Variants in CC2D2A observed in about 807,000 individuals in gnomAD.
The protein encoded by CC2D2A is coiled-coil and C2 domain containing 2A.
CC2D2A carries 155 observed loss-of-function variants against 212.9 expected under a neutral mutation model. That is an observed-to-expected ratio of 0.73 (90% confidence interval 0.64 to 0.83). The LOEUF is 0.83. CC2D2A is among the 40% of genes least tolerant of loss of function. The probability of loss-of-function intolerance (pLI) is 0.00; values close to 1 mark genes in which losing one functional copy is unlikely to be tolerated. For missense variants in CC2D2A, 1,856 were observed against 1,956.2 expected (o/e 0.95, Z 0.97); for synonymous variants, 667 against 686.5 (o/e 0.97, Z 0.44).
Position 15,544,590 on chromosome 4 carries a change from C to A in CC2D2A, c.2181+3576C>A, listed in dbSNP as rs116240804. 6.9e-3 allele frequency among the ~76,000 whole-genome samples: 1,052 copies of A among 152,286 alleles called. 10 individuals are homozygous for A. Among genetic ancestry groups the A allele is most frequent in the African/African-American group, 0.024 (1,004 of 41,548 alleles). On this transcript the variant is annotated intron_variant, in intron 17 of 36. Coordinates refer to ENST00000424120, the MANE Select transcript of CC2D2A (RefSeq NM_001378615.1). ...CCCTCCTGCAGGTGCCCAGCCATGC[C>A]TCCACTGATGGGTGAGAGCTCAGAC... is the stretch of plus-strand genomic sequence containing the variant.
At chr4:15,477,069 G>A (rs1023637955) in intron 2 of CC2D2A, among the ~76,000 whole-genome samples, 1 of 152,150 alleles carries the variant, frequency 6.6e-6, no homozygotes, top group Non-Finnish European at 1.5e-5. Context: ...TTGGGAGGCC[G>A]AGGCAGGTGG....
chr4:15,579,972 A>G lies in CC2D2A; in HGVS notation c.3776A>G (p.Glu1259Gly). 6.2e-7 allele frequency: 1 copy of G among 1,611,882 alleles called. No homozygotes were observed. Among genetic ancestry groups the G allele is most frequent in the Non-Finnish European group, 8.5e-7 (1 of 1,178,812 alleles). Residue 1259 changes from glutamate (E) to glycine (G), a missense_variant, in exon 30 of 37, where the codon GAG becomes GGG. By Grantham distance (98) the Glu-to-Gly change is moderately conservative. This residue lies in a region of CC2D2A where 1,512 missense variants were observed against 1,579.3 expected (regional missense o/e 0.96). Coordinates refer to ENST00000424120, the MANE Select transcript of CC2D2A (RefSeq NM_001378615.1). ...ATGAAGTCTTTCTTTTTGAAGTTTG[A>G]GTCTCAGGAAGATGAGAAATTACTT... Reference protein sequence around the residue: ...VPGESIREKFESQEDEKLLQA... With the variant: ...VPGESIREKFGSQEDEKLLQA...
intron 4 of CC2D2A, among the ~76,000 whole-genome samples, chr4:15,495,830 A>T (rs1195239188): frequency 6.6e-6 from 1 of 152,192 alleles, no homozygotes; most frequent in Non-Finnish European, 1.5e-5. Context: ...CAGTGGCGGA[A>T]CTAATTTGCA....
At position 15,540,925 on chromosome 4, in the gene CC2D2A, A is replaced by G; in HGVS notation, c.2092A>G (p.Ser698Gly). ...CAACAAGGAGGTGTCCAGGACAGTC[A>G]GTCGGCCACTAGGAGCAGACTTCCG... is the stretch of plus-strand genomic sequence containing the variant. ...FNNKEVSRTV[S>G]RPLGADFRVH... The change falls in exon 17 of 37, where the codon AGT (serine) becomes GGT (glycine). Residue 698 changes from serine (S) to glycine (G), a missense_variant. This residue lies in a region of CC2D2A where 1,512 missense variants were observed against 1,579.3 expected (regional missense o/e 0.96). Coordinates refer to ENST00000424120, the MANE Select transcript of CC2D2A (RefSeq NM_001378615.1). The G allele has an allele frequency of 6.3e-7, 1 of 1,576,136 alleles. No individual in the cohort carries two copies.
rs147875313 is a variant in CC2D2A at position 15,499,267 on chromosome 4, G to A, written c.248-3162G>A. On this transcript the variant is annotated intron_variant, in intron 4 of 36. Coordinates refer to ENST00000424120, the MANE Select transcript of CC2D2A (RefSeq NM_001378615.1). ...CCCCCAAGCAAACTATGGGTTTTGG[G>A]TGATTGATGCGTCAATGAAGGTTCA... Among the ~76,000 whole-genome samples, 13 of 152,270 alleles carry A rather than the reference G, an allele frequency of 8.5e-5. No homozygotes were observed. In the East Asian group the frequency reaches 2.5e-3, roughly 29 times the overall value.
At chr4:15,579,913 C>T (rs983519887) in intron 29 of CC2D2A, 55 bp from the exon 30 acceptor site, 31 of 1,402,540 alleles carry the variant, frequency 2.2e-5, no homozygotes, top group Admixed American at 1.2e-4. Flanking sequence ...AATCTGAACA[C>T]GTACTTTCTC....
At chr4:15,489,854 C>T (rs1715202113) in intron 4 of CC2D2A, among the ~76,000 whole-genome samples, 1 of 152,220 alleles carries the variant, frequency 6.6e-6, no homozygotes, top group Non-Finnish European at 1.5e-5. Context: ...CAGGACTCCA[C>T]TTGCCTGGTT....
At chr4:15,570,525 G>C (rs768581478) in intron 28 of CC2D2A, 29 bp downstream of exon 28, 16 of 1,445,304 alleles carry the variant, frequency 1.1e-5, no homozygotes, top group Middle Eastern at 1.7e-4. Flanking sequence ...AGGTCCATGA[G>C]AGCAGGGAAT....
At position 15,569,378 on chromosome 4, in the gene CC2D2A, G is replaced by A; in HGVS notation, c.3484G>A (p.Asp1162Asn). 6.4e-7 allele frequency: 1 copy of A among 1,558,916 alleles called. No individual in the cohort carries two copies. The highest frequency in any genetic ancestry group is 2.3e-5 in the East Asian group (1 of 43,114). Reference protein sequence around the residue: ...FINIFDEVLHDVLEDDRERGS... With the variant: ...FINIFDEVLHNVLEDDRERGS... ...TAACATTTTTGATGAAGTACTGCAT[G>A]ATGTCTTAGAGGTAAGTTCTCAGTT... Residue 1162 changes from aspartate (D) to asparagine (N), a missense_variant, in exon 27 of 37, where the codon GAT becomes AAT. Physicochemically the swap from Asp to Asn is conservative, Grantham distance 23. Around this residue, in one of 5 missense-constraint regions of CC2D2A, gnomAD observed 1,512 missense variants for 1,579.3 expected, o/e 0.96. Coordinates refer to ENST00000424120, the MANE Select transcript of CC2D2A (RefSeq NM_001378615.1).
chr4:15,517,088 C>T lies in CC2D2A; in HGVS notation c.1149+332C>T, dbSNP rs1307999960. Among the ~76,000 whole-genome samples the T allele has an allele frequency of 2.6e-5, 4 of 151,698 alleles. No homozygotes were observed. In the East Asian group the frequency reaches 7.8e-4, roughly 30 times the overall value. The stretch of plus-strand genomic sequence containing the variant: ...TCAGCCTTTTGAGTAGCTGGGACTA[C>T]AGGTGCCCGCCACCTCGCCCGGCTA... On this transcript the variant is annotated intron_variant, in intron 11 of 36. Coordinates refer to ENST00000424120, the MANE Select transcript of CC2D2A (RefSeq NM_001378615.1).
At chr4:15,567,315 C>T (rs1449290740) in intron 24 of CC2D2A, 62 bp from the exon 25 acceptor site, 4 of 1,232,296 alleles carry the variant, frequency 3.2e-6, no homozygotes, top group Admixed American at 3.8e-5. Flanking sequence ...AAATAATTGT[C>T]TTCTCAATAT....
chr4:15,601,156 T>C lies in CC2D2A; in HGVS notation c.4675-81T>C, dbSNP rs1577407871. ...ATAACTGAGATCCAGAACACTTATC[T>C]TAATTGCATACATTTACGTAGGAAA... is the stretch of plus-strand genomic sequence containing the variant. On this transcript the variant is annotated intron_variant, in intron 36 of 36. Coordinates refer to ENST00000424120, the MANE Select transcript of CC2D2A (RefSeq NM_001378615.1). The C allele has an allele frequency of 1.1e-5, 9 of 830,576 alleles. No individual in the cohort carries two copies. In the South Asian group the frequency reaches 1.3e-4, roughly 12 times the overall value. The allele number at this position is 830,576 out of a possible 1,614,324, so 51.5% of individuals were successfully genotyped here.
At chr4:15,499,079 A>G (rs1295488882) in intron 4 of CC2D2A, among the ~76,000 whole-genome samples, 1 of 152,200 alleles carries the variant, frequency 6.6e-6, no homozygotes, top group African/African-American at 2.4e-5. Context: ...AAATCAGTAA[A>G]AAGATCAGTG....
chr4:15,520,884 C>T (rs1717164173), intron 11 of CC2D2A, among the ~76,000 whole-genome samples: 1 of 152,152 alleles, frequency 6.6e-6, no homozygotes, highest in African/African-American at 2.4e-5. Context: ...GGAACTTGGG[C>T]TCCAGCTGAC....
At chr4:15,539,901 A>C (rs779020760) in intron 16 of CC2D2A, among the ~76,000 whole-genome samples, 4 of 152,168 alleles carry the variant, frequency 2.6e-5, no homozygotes, top group Non-Finnish European at 5.9e-5. Flanking sequence ...AATAAGTCTA[A>C]ATTATAGACA....
chr4:15,489,341 G>T (rs1268674980), intron 4 of CC2D2A, among the ~76,000 whole-genome samples: 3 of 152,122 alleles, frequency 2.0e-5, no homozygotes, highest in African/African-American at 7.2e-5. Context: ...GGCCTTGGGG[G>T]TTACCTTAGT....
chr4:15,524,369 G>A (rs2109021115), intron 11 of CC2D2A, among the ~76,000 whole-genome samples: 1 of 151,774 alleles, frequency 6.6e-6, no homozygotes, highest in East Asian at 1.9e-4. Flanking sequence ...CTGACCTCGT[G>A]ATCCACCCGC....
chr4:15,516,813 T>G, intron 11 of CC2D2A, 57 bp downstream of exon 11: 1 of 1,555,444 alleles, frequency 6.4e-7, no homozygotes, highest in Non-Finnish European at 8.7e-7. Context: ...CTTTGCTTTC[T>G]GAATAGCTTG....
chr4:15,563,558 C>A (rs774374203), intron 24 of CC2D2A, 36 bp downstream of exon 24: 40 of 1,595,896 alleles, frequency 2.5e-5, no homozygotes, highest in Non-Finnish European at 3.1e-5. Context: ...ATGCAGTGTG[C>A]AGCATCCCAG....
Sources: gnomAD v4.1 joint callset for allele counts (sites outside exome capture counted in the v4.1 genomes callset) on GRCh38, gnomAD v4.1.1 for gene constraint, gnomAD v4.1.1 regional missense constraint, MANE v1.5 for transcripts, NCBI Gene and HGNC (gene_info 2026-07-23, HGNC 2026-07-21) for gene names.